The following MED12L variants were observed in gnomAD, a reference collection of about 807,000 sequenced individuals.
MED12L encodes the protein mediator complex subunit 12L.
A neutral mutation model predicts 281.3 loss-of-function variants in MED12L; 60 were observed. The observed-to-expected ratio is 0.21, with a 90% CI of 0.17 to 0.26. MED12L has a LOEUF of 0.26. Ranked by LOEUF, MED12L falls within the 10% of genes least tolerant of loss-of-function variation. The pLI is 1.00. For missense variants in MED12L, 2,146 were observed against 2,680.9 expected, an observed-to-expected ratio of 0.80 and a Z score of 4.41; for synonymous variants, 974 against 987.2, an observed-to-expected ratio of 0.99 and a Z score of 0.25.
chr3:151,241,704 AT>A (rs1307176782), intron 16 of MED12L: 1 of 151,318 alleles, frequency 6.6e-6, no homozygotes, highest in Non-Finnish European at 1.5e-5. Flanking sequence ...ATTTTTTTTC[AT>A]TTTTCTCTTG....
At chr3:151,273,342 C>T (rs1222645871) in intron 16 of MED12L, among the ~76,000 whole-genome samples, 1 of 150,390 alleles carries the variant, frequency 6.6e-6, no homozygotes, top group Non-Finnish European at 1.5e-5. Flanking sequence ...GCAATTCTGC[C>T]TCAGCCTCCT....
intron 31 of MED12L, among the ~76,000 whole-genome samples, chr3:151,378,997 A>G (rs1369743232): frequency 2.0e-5 from 3 of 152,226 alleles, no homozygotes; most frequent in Admixed American, 6.5e-5. Context: ...TAAAGGTTAC[A>G]TGAGTTGCTC....
intron 18 of MED12L, among the ~76,000 whole-genome samples, chr3:151,355,549 T>C (rs1753803912): frequency 6.6e-6 from 1 of 152,178 alleles, no homozygotes; most frequent in Non-Finnish European, 1.5e-5. Flanking sequence ...TGTTGATGAT[T>C]GAAATAAAAT....
chr3:151,229,078 A>G (rs138569236), intron 16 of MED12L, among the ~76,000 whole-genome samples: 1 of 152,288 alleles, frequency 6.6e-6, no homozygotes, highest in East Asian at 1.9e-4. Context: ...CTGAATATCA[A>G]CCACTTGTGT....
chr3:151,227,145 T>C (rs916263881), intron 16 of MED12L, among the ~76,000 whole-genome samples: 2 of 152,250 alleles, frequency 1.3e-5, no homozygotes, highest in African/African-American at 4.8e-5. Context: ...GTGACCAACA[T>C]GTGTTAATGT....
chr3:151,419,539 A>G (rs1441401229), intron 43 of MED12L, among the ~76,000 whole-genome samples: 1 of 152,124 alleles, frequency 6.6e-6, no homozygotes, highest in Admixed American at 6.5e-5. Flanking sequence ...TCAAATGTTA[A>G]TCTCCTTTGG....
intron 16 of MED12L, among the ~76,000 whole-genome samples, chr3:151,335,427 G>A (rs1224141689): frequency 6.6e-6 from 1 of 152,176 alleles, no homozygotes; most frequent in East Asian, 1.9e-4. Flanking sequence ...GATTTGGCCT[G>A]TGGGCTATAG....
At chr3:151,236,277 G>C (rs1004635374) in intron 16 of MED12L, among the ~76,000 whole-genome samples, 1 of 152,130 alleles carries the variant, frequency 6.6e-6, no homozygotes, top group African/African-American at 2.4e-5. Flanking sequence ...CACTTCTAGA[G>C]TTTTAAAATG....
At chr3:151,171,387 G>T (rs899727047) in intron 11 of MED12L, among the ~76,000 whole-genome samples, 1 of 152,134 alleles carries the variant, frequency 6.6e-6, no homozygotes, top group Admixed American at 6.5e-5. Context: ...TCTTTAGGGT[G>T]CCTCAAGGAC....
chr3:151,350,869 G>A (rs1165555416), intron 17 of MED12L, among the ~76,000 whole-genome samples: 1 of 152,014 alleles, frequency 6.6e-6, no homozygotes, highest in Non-Finnish European at 1.5e-5. Context: ...TTGCATAATT[G>A]GAATTTTGTA....
intron 2 of MED12L, among the ~76,000 whole-genome samples, chr3:151,088,233 A>T (rs1482151012): frequency 1.3e-5 from 2 of 152,224 alleles, no homozygotes; most frequent in Admixed American, 1.3e-4. Flanking sequence ...ATGCTCTAGC[A>T]TCAGTGGAGT....
intron 16 of MED12L, among the ~76,000 whole-genome samples, chr3:151,240,606 G>A (rs576594555): frequency 6.6e-6 from 1 of 152,006 alleles, no homozygotes; most frequent in East Asian, 1.9e-4. Context: ...AAATCTAGTT[G>A]TTTATCTTTA....
intron 43 of MED12L, among the ~76,000 whole-genome samples, chr3:151,419,781 C>G (rs113632634): frequency 6.6e-6 from 1 of 152,172 alleles, no homozygotes; most frequent in Non-Finnish European, 1.5e-5. Context: ...AACCCAAATA[C>G]TATTACATAA....
At chr3:151,096,073 A>G (rs1195418758) in intron 2 of MED12L, among the ~76,000 whole-genome samples, 1 of 152,206 alleles carries the variant, frequency 6.6e-6, no homozygotes, top group Admixed American at 6.5e-5. Flanking sequence ...ATCTTTGGAA[A>G]GGTAATAAAA....
In MED12L at chr3:151,364,977, A is replaced by G; in HGVS notation, c.2958-2A>G. 1 of 1,608,242 alleles carries G rather than the reference A, an allele frequency of 6.2e-7. No individual in the cohort carries two copies. Among genetic ancestry groups the G allele is most frequent in the South Asian group, 1.1e-5 (1 of 90,958 alleles). On this transcript the variant is annotated splice_acceptor_variant, in intron 21 of 44. Coordinates refer to ENST00000687756, the MANE Select transcript of MED12L (RefSeq NM_001393769.1). LOFTEE classifies it high-confidence loss of function. ...TTTTAACTTTTTTTCTTATAACCTC[A>G]GTAGTGCCTGTTCAAAAGTAAAGCA...
intron 16 of MED12L, among the ~76,000 whole-genome samples, chr3:151,194,489 G>A (rs1375696733): frequency 2.0e-5 from 3 of 152,102 alleles, no homozygotes; most frequent in Non-Finnish European, 4.4e-5. Flanking sequence ...CTTACTGGAA[G>A]GTGAGCCAGT....
At chr3:151,127,255 G>T (rs760459132) in intron 4 of MED12L, among the ~76,000 whole-genome samples, 2 of 152,026 alleles carry the variant, frequency 1.3e-5, no homozygotes, top group Non-Finnish European at 2.9e-5. Context: ...GCTATTTCTG[G>T]CTCAGTGTTT....
At chr3:151,267,890 T>C (rs1740143315) in intron 16 of MED12L, among the ~76,000 whole-genome samples, 1 of 152,184 alleles carries the variant, frequency 6.6e-6, no homozygotes. Flanking sequence ...AATAGCTTTT[T>C]AAAATTTCTT....
chr3:151,228,710 C>G (rs1731021120), intron 16 of MED12L, among the ~76,000 whole-genome samples: 1 of 152,182 alleles, frequency 6.6e-6, no homozygotes, highest in South Asian at 2.1e-4. Context: ...CCAGTCCCTA[C>G]ACAATGCTAA....
Sources: allele counts gnomAD v4.1 joint callset (sites outside exome capture counted in the v4.1 genomes callset), GRCh38; gene constraint gnomAD v4.1.1; transcripts MANE v1.5; gene names NCBI Gene and HGNC (gene_info 2026-07-23, HGNC 2026-07-21).